COL24A1: variants seen among roughly 807,000 people sequenced by gnomAD.
The protein encoded by COL24A1 is collagen alpha-1(XXIV) chain.
In COL24A1, 224 loss-of-function variants were observed where a neutral mutation model predicts 253.9. That is an observed-to-expected ratio of 0.88 (90% CI 0.79 to 0.99). The LOEUF (loss-of-function observed/expected upper bound fraction) is 0.99, where lower values mean the gene tolerates loss of function less well. Ranked by LOEUF, COL24A1 falls within the 50% of genes least tolerant of loss-of-function variation. COL24A1 has a pLI of 0.00. For missense variants in COL24A1, 2,131 were observed against 2,068.5 expected (o/e 1.03, Z -0.59); for synonymous variants, 685 against 673.7 (o/e 1.02, Z -0.26).
At chr1:85,896,272 GAAAT>G in intron 29 of COL24A1, 80 bp downstream of exon 29, 1 of 1,354,486 alleles carries the variant, frequency 7.4e-7, no homozygotes, top group Non-Finnish European at 1.0e-6. Flanking sequence ...CTTTTGTAGG[GAAAT>G]ATATTGTTTT....
intron 31 of COL24A1, among the ~76,000 whole-genome samples, chr1:85,892,466 A>AT (rs1301998332): frequency 6.6e-6 from 1 of 152,094 alleles, no homozygotes; most frequent in African/African-American, 2.4e-5. Flanking sequence ...CAAGAAATAT[A>AT]AAGGATGTTC....
At chr1:86,107,684 C>G (rs12123697) in intron 5 of COL24A1, among the ~76,000 whole-genome samples, 146,568 of 151,934 alleles carry the variant, frequency 0.96, 70,836 homozygotes, top group Non-Finnish European at 1. Context: ...ACAGGCGCCT[C>G]CCACCACGCC....
At chr1:85,987,832 A>G (rs1693859471) in intron 19 of COL24A1, among the ~76,000 whole-genome samples, 178 bp from the exon 20 acceptor site, 1 of 151,962 alleles carries the variant, frequency 6.6e-6, no homozygotes, top group Non-Finnish European at 1.5e-5. Flanking sequence ...AAACTTACAA[A>G]GTGTACTAAA....
rs774933094 is a variant in COL24A1, at chr1:85,841,275, A to G, written c.3574T>C (p.Tyr1192His). The G allele has an allele frequency of 1.6e-5, 25 of 1,593,916 alleles. No individual in the cohort carries two copies. The South Asian group carries it at 2.9e-4, about 18-fold the overall frequency. The change falls in exon 42 of 60, where the codon TAC (tyrosine) becomes CAC (histidine). Residue 1192 changes from tyrosine (Y) to histidine (H), a missense_variant. By Grantham distance (83) the Tyr-to-His change is moderately conservative. Coordinates refer to ENST00000370571, the MANE Select transcript of COL24A1 (RefSeq NM_152890.7). ...AGGACTGTGCTATCTTCTCCTGGGTAGCCCTAAAATGAAATAATGATTTAT... is the reference window on the plus strand; with the variant it reads ...AGGACTGTGCTATCTTCTCCTGGGTGGCCCTAAAATGAAATAATGATTTAT... ...GLPGPKGEKG[Y>H]PGEDSTVLGP...
chr1:86,098,982 C>A (rs886434639), intron 5 of COL24A1, among the ~76,000 whole-genome samples: 1 of 152,048 alleles, frequency 6.6e-6, no homozygotes. Flanking sequence ...TTATATAACA[C>A]CACACCAAAT....
chr1:85,805,575 G>A (rs558285231), intron 47 of COL24A1, among the ~76,000 whole-genome samples: 1 of 152,292 alleles, frequency 6.6e-6, no homozygotes, highest in African/African-American at 2.4e-5. Flanking sequence ...GTTTTAGACT[G>A]CCTTTGTCGT....
At chr1:85,842,152 G>T (rs1250751748) in intron 40 of COL24A1, 31 bp from the exon 41 acceptor site, 2 of 1,589,672 alleles carry the variant, frequency 1.3e-6, no homozygotes, top group Admixed American at 3.3e-5. Context: ...ATTTATACAT[G>T]CTCTACCTAG....
chr1:85,923,211 A>G (rs1259759437), intron 24 of COL24A1, among the ~76,000 whole-genome samples: 4 of 152,220 alleles, frequency 2.6e-5, no homozygotes, highest in African/African-American at 9.6e-5. Flanking sequence ...ACTCCAACAC[A>G]ATAATAATGG....
chr1:85,932,813 C>T (rs1181588555), intron 24 of COL24A1, among the ~76,000 whole-genome samples: 1 of 67,850 alleles, frequency 1.5e-5, no homozygotes, highest in African/African-American at 6.1e-5. Flanking sequence ...TGGAAACCAT[C>T]ATTCTCAGTA....
intron 37 of COL24A1, among the ~76,000 whole-genome samples, chr1:85,866,350 T>C (rs1161287906): frequency 6.6e-6 from 1 of 152,230 alleles, no homozygotes; most frequent in African/African-American, 2.4e-5. Context: ...TGTACAAATC[T>C]CTTAGCTTTT....
chr1:85,802,257 T>C (rs1671506844), intron 47 of COL24A1, among the ~76,000 whole-genome samples: 1 of 152,206 alleles, frequency 6.6e-6, no homozygotes. Context: ...CTCAATTACC[T>C]TAATACGTCC....
intron 32 of COL24A1, among the ~76,000 whole-genome samples, chr1:85,884,869 G>A (rs1312480460): frequency 6.6e-6 from 1 of 152,160 alleles, no homozygotes; most frequent in African/African-American, 2.4e-5. Context: ...GTAAGAACCT[G>A]TTAGGGCTCT....
At chr1:86,058,991 G>A in intron 9 of COL24A1, 130 bp downstream of exon 9, 1 of 572,952 alleles carries the variant, frequency 1.7e-6, no homozygotes, top group Non-Finnish European at 2.9e-6. Context: ...CTTTGATTTT[G>A]AAATTATTTC....
chr1:85,976,303 T>C (rs1692674756), intron 20 of COL24A1, among the ~76,000 whole-genome samples: 1 of 152,144 alleles, frequency 6.6e-6, no homozygotes, highest in African/African-American at 2.4e-5. Context: ...GTGCTGTTAG[T>C]AGGGCACATT....
chr1:86,107,215 C>T (rs1705068361), intron 5 of COL24A1, among the ~76,000 whole-genome samples: 1 of 152,184 alleles, frequency 6.6e-6, no homozygotes, highest in African/African-American at 2.4e-5. Context: ...CCCTCTACCA[C>T]TTACAAACAG....
intron 22 of COL24A1, among the ~76,000 whole-genome samples, chr1:85,965,319 T>C (rs1249277176): frequency 1.3e-5 from 2 of 151,994 alleles, no homozygotes; most frequent in Non-Finnish European, 2.9e-5. Context: ...AGCTTGTATT[T>C]TAGTGAGAAT....
At chr1:86,051,424 T>C (rs1700291416) in intron 10 of COL24A1, among the ~76,000 whole-genome samples, 1 of 152,046 alleles carries the variant, frequency 6.6e-6, no homozygotes, top group Admixed American at 6.6e-5. Flanking sequence ...GGTGCTTTGC[T>C]TTACTGAGGA....
chr1:86,019,677 C>A (rs988777780), intron 18 of COL24A1, among the ~76,000 whole-genome samples: 5 of 151,852 alleles, frequency 3.3e-5, no homozygotes, highest in Non-Finnish European at 7.4e-5. Flanking sequence ...ATCTTCGGCC[C>A]AAAGTAGTTT....
intron 39 of COL24A1, among the ~76,000 whole-genome samples, chr1:85,845,301 G>C (rs1409978078): frequency 6.6e-6 from 1 of 151,744 alleles, no homozygotes; most frequent in Admixed American, 6.6e-5. Context: ...AAAAGGATTT[G>C]ATAAAATTCA....
Sources: allele counts gnomAD v4.1 joint callset (sites outside exome capture counted in the v4.1 genomes callset), GRCh38; gene constraint gnomAD v4.1.1; transcripts MANE v1.5; gene names NCBI Gene and HGNC (gene_info 2026-07-23, HGNC 2026-07-21).